The following VWA3B variants were observed in gnomAD, a reference collection of about 807,000 sequenced individuals.
The protein encoded by VWA3B is von Willebrand factor A domain-containing protein 3B.
VWA3B carries 138 observed loss-of-function variants against 158.3 expected under a neutral mutation model. The observed-to-expected ratio is 0.87, with a 90% confidence interval of 0.76 to 1.00. The LOEUF (loss-of-function observed/expected upper bound fraction) is 1.00, where lower values mean the gene tolerates loss of function less well. Ranked by LOEUF, VWA3B falls within the 50% of genes least tolerant of loss-of-function variation. The probability of loss-of-function intolerance (pLI) is 0.00; values close to 1 mark genes in which losing one functional copy is unlikely to be tolerated. For synonymous variants in VWA3B, 596 were observed against 587.3 expected (o/e 1.01, Z -0.21); for missense variants, 1,555 against 1,565.1 (o/e 0.99, Z 0.11).
intron 2 of VWA3B, 74 bp downstream of exon 2, chr2:98,093,362 G>A (rs1682490176): frequency 1.3e-6 from 2 of 1,513,038 alleles, no homozygotes; most frequent in South Asian, 1.2e-5. Flanking sequence ...AGCTCTGAAG[G>A]CCCCTCAAAA....
rs1674473159 is a variant in VWA3B at position 98,115,621 on chromosome 2, G to C, written c.197-31G>C. ...TAGGAAGGTTCACTCATGTACTACT[G>C]TTTTGATTGTTTTTCTTTATAAAAA... is the stretch of plus-strand genomic sequence containing the variant. On this transcript the variant is annotated intron_variant, in intron 2 of 27. Coordinates refer to ENST00000477737, the MANE Select transcript of VWA3B (RefSeq NM_144992.5). 4.4e-6 allele frequency: 7 copies of C among 1,574,656 alleles called. No homozygotes were observed. The Middle Eastern group carries it at 5.0e-4, about 113-fold the overall frequency.
intron 7 of VWA3B, among the ~76,000 whole-genome samples, chr2:98,159,484 G>A (rs1678383863): frequency 6.6e-6 from 1 of 151,998 alleles, no homozygotes; most frequent in South Asian, 2.1e-4. Context: ...CCAGACCTCA[G>A]GTGATCCTCC....
chr2:98,188,260 A>T (rs1681287173), intron 10 of VWA3B, 131 bp downstream of exon 10: 4 of 1,226,026 alleles, frequency 3.3e-6, no homozygotes, highest in Non-Finnish European at 4.5e-6. Flanking sequence ...ATACAGAGTG[A>T]TATTTAGGTG....
chr2:98,173,761 A>G (rs145661151), intron 8 of VWA3B, among the ~76,000 whole-genome samples: 1,554 of 152,254 alleles, frequency 0.01, 28 homozygotes, highest in African/African-American at 0.035. Flanking sequence ...AGGTCAAGAG[A>G]TGGAGACCAT....
chr2:98,220,687 A>G (rs1684418331), intron 14 of VWA3B, among the ~76,000 whole-genome samples: 1 of 152,236 alleles, frequency 6.6e-6, no homozygotes, highest in Non-Finnish European at 1.5e-5. Context: ...CAATATGCAA[A>G]CAATTCACAA....
chr2:98,165,465 G>T (rs1236631919), intron 8 of VWA3B, among the ~76,000 whole-genome samples: 1 of 152,078 alleles, frequency 6.6e-6, no homozygotes, highest in Non-Finnish European at 1.5e-5. Context: ...AAAGCTCCCC[G>T]GGTGATCCTA....
chr2:98,238,373 G>A (rs1011596202), intron 19 of VWA3B, among the ~76,000 whole-genome samples: 1 of 152,192 alleles, frequency 6.6e-6, no homozygotes, highest in Non-Finnish European at 1.5e-5. Context: ...AGAAGCAACA[G>A]GGAGAAACTG....
intron 19 of VWA3B, among the ~76,000 whole-genome samples, chr2:98,243,477 G>A (rs1686207499): frequency 6.6e-6 from 1 of 151,928 alleles, no homozygotes; most frequent in African/African-American, 2.4e-5. Flanking sequence ...GTGATTACAG[G>A]CACGCACCAC....
chr2:98,324,061 T>C, the VWA3B span, among the ~76,000 whole-genome samples: 1 of 152,118 alleles, frequency 6.6e-6, no homozygotes, highest in Non-Finnish European at 1.5e-5. Context: ...AAACAGAGTT[T>C]GGGAAAACTA....
chr2:98,135,841 T>A (rs1467189179), intron 7 of VWA3B, among the ~76,000 whole-genome samples: 1 of 152,224 alleles, frequency 6.6e-6, no homozygotes, highest in Non-Finnish European at 1.5e-5. Context: ...TGTTTTTATT[T>A]GGAAAATGTG....
At chr2:98,183,362 A>C (rs989305403) in intron 9 of VWA3B, among the ~76,000 whole-genome samples, 2 of 152,166 alleles carry the variant, frequency 1.3e-5, no homozygotes, top group Admixed American at 1.3e-4. Flanking sequence ...CCAGACTCCC[A>C]CTGGGCAAGA....
At chr2:98,230,574 A>G (rs1685271890) in intron 16 of VWA3B, among the ~76,000 whole-genome samples, 1 of 152,098 alleles carries the variant, frequency 6.6e-6, no homozygotes. Context: ...GATCACGTGT[A>G]TAGGTTTGTG....
chr2:98,174,015 A>G (rs1679812269), intron 8 of VWA3B, among the ~76,000 whole-genome samples: 1 of 152,082 alleles, frequency 6.6e-6, no homozygotes, highest in South Asian at 2.1e-4. Context: ...TCTATTGAGG[A>G]ATTATATTTC....
intron 3 of VWA3B, among the ~76,000 whole-genome samples, chr2:98,118,578 A>G (rs947614139): frequency 1.1e-4 from 17 of 152,154 alleles, no homozygotes; most frequent in African/African-American, 4.1e-4. Context: ...TAATTAGGCA[A>G]AAACAGGAGG....
chr2:98,265,191 G>T (rs564353156), intron 21 of VWA3B, among the ~76,000 whole-genome samples: 10 of 71,546 alleles, frequency 1.4e-4, no homozygotes, highest in Non-Finnish European at 2.2e-4. Context: ...TATCCCTCCC[G>T]CCTCCCCCCA....
intron 22 of VWA3B, among the ~76,000 whole-genome samples, chr2:98,286,332 A>G (rs993143682): frequency 3.3e-5 from 5 of 152,126 alleles, no homozygotes; most frequent in African/African-American, 9.7e-5. Context: ...AGAGTGCCTT[A>G]CTTTGTTTCT....
intron 21 of VWA3B, among the ~76,000 whole-genome samples, chr2:98,268,394 A>G (rs1687986931): frequency 6.6e-6 from 1 of 152,200 alleles, no homozygotes; most frequent in Non-Finnish European, 1.5e-5. Flanking sequence ...ATATATGCAA[A>G]TCAATAAAAT....
chr2:98,134,846 A>G (rs977506416), intron 7 of VWA3B, among the ~76,000 whole-genome samples: 3 of 152,078 alleles, frequency 2.0e-5, no homozygotes, highest in African/African-American at 4.8e-5. Context: ...AGATGGAGAT[A>G]AAAGTGAAGA....
rs569655536 is a variant in VWA3B, at chr2:98,180,117, T to A, written c.1115-899T>A. Among the ~76,000 whole-genome samples, 3 of 149,638 alleles carry A rather than the reference T, an allele frequency of 2.0e-5. No homozygotes were observed. In the South Asian group the frequency reaches 6.4e-4, roughly 32 times the overall value. On this transcript the variant is annotated intron_variant, in intron 8 of 27. Coordinates refer to ENST00000477737, the MANE Select transcript of VWA3B (RefSeq NM_144992.5). Reference sequence around the variant, plus strand: ...CTTTCTTTCTTTTCTTTCTTTCTTCTGTCTCTCTCCTCCCTCCCTCCCTCC... The same window carrying A: ...CTTTCTTTCTTTTCTTTCTTTCTTCAGTCTCTCTCCTCCCTCCCTCCCTCC...
Sources: allele counts gnomAD v4.1 joint callset (sites outside exome capture counted in the v4.1 genomes callset), GRCh38; gene constraint gnomAD v4.1.1; transcripts MANE v1.5; gene names NCBI Gene and HGNC (gene_info 2026-07-23, HGNC 2026-07-21).